MAPK10: variants seen among roughly 807,000 people sequenced by gnomAD.
MAPK10 encodes the protein mitogen-activated protein kinase 10, also known as JNK3 alpha protein kinase.
MAPK10 carries 25 observed loss-of-function variants against 59.3 expected under a neutral mutation model. The observed-to-expected ratio is 0.42, with a 90% CI of 0.31 to 0.59. MAPK10 has a LOEUF of 0.59. Among genes scored for constraint, MAPK10 ranks in the 20% least tolerant of loss-of-function variants. The probability of loss-of-function intolerance (pLI) is 0.15; values close to 1 mark genes in which losing one functional copy is unlikely to be tolerated. For missense variants in MAPK10, 351 were observed against 568.9 expected (o/e 0.62, Z 3.90); for synonymous variants, 190 against 200.5 (o/e 0.95, Z 0.44).
intron 11 of MAPK10, among the ~76,000 whole-genome samples, chr4:86,040,218 T>C (rs1017044815): frequency 2.0e-5 from 3 of 152,076 alleles, no homozygotes; most frequent in Non-Finnish European, 4.4e-5. Context: ...AAATAATTGT[T>C]TTAAGGAAGC....
At chr4:86,552,451 AGGAAGGAAGGAGGGAGGGAGGGAG>A (rs371548601) in intron 1 of MAPK10, among the ~76,000 whole-genome samples, 4,123 of 93,366 alleles carry the variant, frequency 0.044, 157 homozygotes, top group African/African-American at 0.054. Context: ...GAAGGAAGGA[AGGAAGGAAGGAGGGAGGGAGGGAG>A]GGAGGGAGGG....
At chr4:86,432,597 T>A (rs759167513) in intron 1 of MAPK10, among the ~76,000 whole-genome samples, 3 of 152,158 alleles carry the variant, frequency 2.0e-5, no homozygotes, top group Non-Finnish European at 4.4e-5. Context: ...CATTTTTGTT[T>A]CTCACAAATT....
intron 1 of MAPK10, among the ~76,000 whole-genome samples, chr4:86,511,395 AAAAAT>A (rs1756227277): frequency 6.6e-6 from 1 of 151,880 alleles, no homozygotes; most frequent in African/African-American, 2.4e-5. Flanking sequence ...TGTCTCTACT[AAAAAT>A]AAAATAAAAT....
At chr4:86,562,075 G>A (rs1032800617) in intron 1 of MAPK10, among the ~76,000 whole-genome samples, 3 of 152,106 alleles carry the variant, frequency 2.0e-5, no homozygotes, top group African/African-American at 7.2e-5. Context: ...CAAGAGTTGG[G>A]CCAGGCATGG....
intron 2 of MAPK10, among the ~76,000 whole-genome samples, chr4:86,232,983 T>C (rs1270787408): frequency 6.6e-6 from 1 of 152,184 alleles, no homozygotes; most frequent in African/African-American, 2.4e-5. Context: ...GGGCGACTGC[T>C]TGTGTCTGCA....
In MAPK10 at chr4:86,198,962, C is replaced by T. The variant is rs186129979; in HGVS notation, c.-6-4555G>A. ...ATATACGAGCACTCACAAATATATGCGTACCTTAAAATCATATTGGGATAC... is the reference window on the plus strand; with the variant it reads ...ATATACGAGCACTCACAAATATATGTGTACCTTAAAATCATATTGGGATAC... On this transcript the variant is annotated intron_variant, in intron 2 of 13. Coordinates refer to ENST00000641462, the MANE Select transcript of MAPK10 (RefSeq NM_138982.4). Among the ~76,000 whole-genome samples the T allele has an allele frequency of 4.5e-3, 686 of 151,892 alleles. 6 individuals carry two copies. The highest frequency in any genetic ancestry group is 0.016 in the African/African-American group (656 of 41,462).
chr4:86,497,437 A>G (rs761999202), intron 1 of MAPK10, among the ~76,000 whole-genome samples: 1 of 152,142 alleles, frequency 6.6e-6, no homozygotes, highest in Non-Finnish European at 1.5e-5. Context: ...AGCACACACT[A>G]CACTGCAGCT....
Position 86,014,225 on chromosome 4 carries a change from A to G in MAPK10, c.*3003T>C, listed in dbSNP as rs761389888. The G allele has an allele frequency of 6.6e-6, 1 of 152,088 alleles. No individual in the cohort carries two copies. The highest frequency in any genetic ancestry group is 1.5e-5 in the Non-Finnish European group (1 of 68,068). The allele number at this position is 152,088 out of a possible 1,614,324, so 9.4% of individuals were successfully genotyped here. The stretch of plus-strand genomic sequence containing the variant: ...TCACTTTTTTTCAGGAATATTGTCC[A>G]GGTGACTTGACACTTGCCTACCGGA... On this transcript the variant is annotated 3_prime_UTR_variant, in exon 14 of 14. Coordinates refer to ENST00000641462, the MANE Select transcript of MAPK10 (RefSeq NM_138982.4).
chr4:86,384,789 T>C (rs1741242217), intron 1 of MAPK10, among the ~76,000 whole-genome samples: 1 of 152,220 alleles, frequency 6.6e-6, no homozygotes, highest in Admixed American at 6.5e-5. Flanking sequence ...ATGACAACTC[T>C]GTTTGCAACA....
At chr4:86,025,331 C>T in intron 13 of MAPK10, 1 of 392,010 alleles carries the variant, frequency 2.6e-6, no homozygotes, top group Non-Finnish European at 4.5e-6. Context: ...ATAATAAATG[C>T]CTCCTTGCCT....
rs753707972 is a variant in MAPK10, at chr4:86,010,994, C to T, written c.*6234G>A. ...GTGAAATTTGAATTCCTTAAATTCC[C>T]TCAAATTATTTTATGTTGGATTTTA... On this transcript the variant is annotated 3_prime_UTR_variant, in exon 14 of 14. Transcript: ENST00000641462. 24 of 152,138 alleles carry T rather than the reference C, an allele frequency of 1.6e-4. No individual in the cohort carries two copies. Among genetic ancestry groups the T allele is most frequent in the Admixed American group, 5.2e-4 (8 of 15,270 alleles). 9.4% of individuals were successfully genotyped at this position (152,138 alleles called of 1,614,324 possible).
At chr4:86,391,432 C>A (rs111881170) in intron 1 of MAPK10, among the ~76,000 whole-genome samples, 29 of 152,226 alleles carry the variant, frequency 1.9e-4, no homozygotes, top group African/African-American at 6.5e-4. Flanking sequence ...CTACATGCAA[C>A]GTTTTTAACT....
intron 2 of MAPK10, among the ~76,000 whole-genome samples, chr4:86,230,413 C>A (rs1269412047): frequency 6.6e-6 from 1 of 152,202 alleles, no homozygotes; most frequent in African/African-American, 2.4e-5. Context: ...AAGAGTATGA[C>A]ATGCCTACAT....
At chr4:86,570,917 T>C (rs1306705390) in intron 1 of MAPK10, among the ~76,000 whole-genome samples, 1 of 152,130 alleles carries the variant, frequency 6.6e-6, no homozygotes, top group Non-Finnish European at 1.5e-5. Context: ...AGGGTGGAAT[T>C]GAATCTGATT....
In MAPK10 at chr4:86,440,462, C is replaced by G. The variant is rs147856624; in HGVS notation, c.-122+12568G>C. On this transcript the variant is annotated intron_variant, in intron 1 of 13. Coordinates refer to the MAPK10 transcript ENST00000361569. ...TCAGCCTGGGCAAGTGAGATCCTGT[C>G]TCTACAAAAAATAAAAAAATTAGCC... Among the ~76,000 whole-genome samples, 1,402 of 151,880 alleles carry G rather than the reference C, an allele frequency of 9.2e-3. 6 individuals carry two copies. Among genetic ancestry groups the G allele is most frequent in the Non-Finnish European group, 0.014 (957 of 67,938 alleles).
At position 86,012,262 on chromosome 4, in the gene MAPK10, A is replaced by G. The variant is rs184512558; in HGVS notation, c.*4966T>C. 7.2e-5 allele frequency: 11 copies of G among 152,350 alleles called. No homozygotes were observed. Among genetic ancestry groups the G allele is most frequent in the Admixed American group, 6.5e-4 (10 of 15,298 alleles). The allele number at this position is 152,350 out of a possible 1,614,324, so 9.4% of individuals were successfully genotyped here. ...CAGATTTCTACATGGTCACATTCAT[A>G]TCACACACTCTTGACCCAAGGTGAG... On this transcript the variant is annotated 3_prime_UTR_variant, in exon 14 of 14. Coordinates refer to ENST00000641462, the MANE Select transcript of MAPK10 (RefSeq NM_138982.4).
At chr4:86,277,744 T>C (rs763684844) in intron 2 of MAPK10, among the ~76,000 whole-genome samples, 1 of 152,142 alleles carries the variant, frequency 6.6e-6, no homozygotes, top group African/African-American at 2.4e-5. Context: ...ATTGGCTTAT[T>C]ATGAGTATGT....
At chr4:86,546,594 C>T (rs553563990) in intron 1 of MAPK10, among the ~76,000 whole-genome samples, 1 of 150,548 alleles carries the variant, frequency 6.6e-6, no homozygotes, top group East Asian at 2.0e-4. Flanking sequence ...TTCAAGGTGG[C>T]AAAAATGGCA....
intron 2 of MAPK10, among the ~76,000 whole-genome samples, chr4:86,315,311 G>GA (rs2095759512): frequency 6.6e-6 from 1 of 151,938 alleles, no homozygotes; most frequent in Non-Finnish European, 1.5e-5. Context: ...AAAATAGTTA[G>GA]AAAAAATGCA....
Sources: allele counts gnomAD v4.1 joint callset (sites outside exome capture counted in the v4.1 genomes callset), GRCh38; gene constraint gnomAD v4.1.1; transcripts MANE v1.5; gene names NCBI Gene and HGNC (gene_info 2026-07-23, HGNC 2026-07-21).